Variants in NKD1 observed in about 807,000 individuals in gnomAD.
NKD1 encodes the protein protein naked cuticle homolog 1.
In NKD1, 21 loss-of-function variants were observed where a neutral mutation model predicts 56.0. The ratio of observed to expected loss-of-function variants is 0.38; its 90% CI spans 0.27 to 0.54. The LOEUF is 0.54. Among genes scored for constraint, NKD1 ranks in the 20% least tolerant of loss-of-function variants. The probability of loss-of-function intolerance (pLI) is 0.82; values close to 1 mark genes in which losing one functional copy is unlikely to be tolerated. For synonymous variants in NKD1, 263 were observed against 265.7 expected, an observed-to-expected ratio of 0.99 and a Z score of 0.10; for missense variants, 578 against 642.7, an observed-to-expected ratio of 0.90 and a Z score of 1.09.
At chr16:50,563,501 C>T (rs941036379) in intron 3 of NKD1, among the ~76,000 whole-genome samples, 1 of 147,826 alleles carries the variant, frequency 6.8e-6, no homozygotes. Context: ...ATGGAGAAGA[C>T]CTTGTGTGTC....
At chr16:50,584,320 C>T (rs527523741) in intron 3 of NKD1, among the ~76,000 whole-genome samples, 6 of 152,206 alleles carry the variant, frequency 3.9e-5, no homozygotes, top group Non-Finnish European at 5.9e-5. Flanking sequence ...ACTACCGTCC[C>T]GTCTGCTAGA....
At chr16:50,594,547 A>T (rs113558889) in intron 3 of NKD1, among the ~76,000 whole-genome samples, 306 of 152,372 alleles carry the variant, frequency 2.0e-3, no homozygotes, top group African/African-American at 6.8e-3. Flanking sequence ...GACAAGAGGA[A>T]GAAGCCAAGC....
chr16:50,570,472 T>A (rs751291067), intron 3 of NKD1, among the ~76,000 whole-genome samples: 3 of 152,248 alleles, frequency 2.0e-5, no homozygotes, highest in Non-Finnish European at 4.4e-5. Flanking sequence ...TACACTGTAC[T>A]GGCCCCAGAG....
In NKD1 at chr16:50,634,669, G is replaced by C. The variant is rs777906397; in HGVS notation, c.*888G>C. ...TCTAACAGAGCTTTCTGTATCTATA[G>C]ATAGATGCCATCTGTCCATTTCTAT... On this transcript the variant is annotated 3_prime_UTR_variant, in exon 10 of 10. Coordinates refer to ENST00000268459, the MANE Select transcript of NKD1 (RefSeq NM_033119.5). 13 of 152,362 alleles carry C rather than the reference G, an allele frequency of 8.5e-5. No homozygotes were observed. Among genetic ancestry groups the C allele is most frequent in the African/African-American group, 1.2e-4 (5 of 41,448 alleles). The allele number at this position is 152,362 out of a possible 1,614,324, so 9.4% of individuals were successfully genotyped here.
At position 50,632,529 on chromosome 16, in the gene NKD1, A is replaced by G; in HGVS notation, c.823+121A>G. ...GCTTCGGTAAGACAACTATTATGGG[A>G]CAGGTCAAAGACTTCTTGGAGAAAG... On this transcript the variant is annotated intron_variant, in intron 9 of 9. Coordinates refer to ENST00000268459, the MANE Select transcript of NKD1 (RefSeq NM_033119.5). This position sits in a 1 kb window ranked among gnomAD's most constrained non-coding sequence, Gnocchi z 4.1. 1 of 945,264 alleles carries G rather than the reference A, an allele frequency of 1.1e-6. No homozygotes were observed. Among genetic ancestry groups the G allele is most frequent in the Non-Finnish European group, 1.6e-6 (1 of 613,228 alleles). 58.6% of individuals were successfully genotyped at this position (945,264 alleles called of 1,614,324 possible).
intron 3 of NKD1, among the ~76,000 whole-genome samples, chr16:50,597,819 C>T (rs558558503): frequency 2.6e-5 from 4 of 152,250 alleles, no homozygotes; most frequent in Admixed American, 6.5e-5. Flanking sequence ...CTGAGGCTTT[C>T]GATCACAGCC....
intron 3 of NKD1, among the ~76,000 whole-genome samples, chr16:50,600,542 A>T (rs1483121209): frequency 6.6e-6 from 1 of 152,192 alleles, no homozygotes; most frequent in African/African-American, 2.4e-5. Context: ...AGACTAGGTT[A>T]AAAAGAGAGA....
chr16:50,598,262 T>TGTGTGTGTGTGTGTGTGCGC lies in NKD1; in HGVS notation c.193-10031_193-10030insTGTGTGTGTGTGTGTGCGCG, dbSNP rs138964473. 6.0e-4 allele frequency among the ~76,000 whole-genome samples: 89 copies of TGTGTGTGTGTGTGTGTGCGC among 148,660 alleles called. No homozygotes were observed. Among genetic ancestry groups the TGTGTGTGTGTGTGTGTGCGC allele is most frequent in the African/African-American group, 2.2e-3 (87 of 39,154 alleles). On this transcript the variant is annotated intron_variant, in intron 3 of 9. Transcript: ENST00000268459. This position sits in a 1 kb window ranked among gnomAD's most constrained non-coding sequence, Gnocchi z 4.2. ...GTGTGTGTGTGTGTGTGTGTGTGTG[T>TGTGTGTGTGTGTGTGTGCGC]GCGCGCACACCTGTGCTCATGGACA... is the stretch of plus-strand genomic sequence containing the variant.
chr16:50,572,887 C>T (rs1357737571), intron 3 of NKD1: 3 of 984,632 alleles, frequency 3.0e-6, no homozygotes, highest in Middle Eastern at 5.2e-4. Context: ...ATCATGAGGT[C>T]GGAAGGGGTG....
chr16:50,589,123 C>T (rs2151271272), intron 3 of NKD1, among the ~76,000 whole-genome samples: 1 of 152,290 alleles, frequency 6.6e-6, no homozygotes, highest in African/African-American at 2.4e-5. Flanking sequence ...CCGACCCCAG[C>T]ACTCAGATCT....
At chr16:50,591,135 C>T (rs904568044) in intron 3 of NKD1, among the ~76,000 whole-genome samples, 8 of 152,294 alleles carry the variant, frequency 5.3e-5, no homozygotes, top group African/African-American at 1.7e-4. Context: ...AATGAAGCCT[C>T]TTTTTAAATT....
intron 4 of NKD1, 51 bp downstream of exon 4, chr16:50,608,411 G>A (rs1429661945): frequency 1.5e-6 from 2 of 1,347,866 alleles, no homozygotes; most frequent in African/African-American, 2.9e-5. Flanking sequence ...GGGGGAAGCG[G>A]GTGTTCAGCT....
intron 3 of NKD1, chr16:50,572,776 T>C: frequency 1.8e-6 from 1 of 559,694 alleles, no homozygotes; most frequent in Non-Finnish European, 2.3e-6. Flanking sequence ...AGCTTGTCCC[T>C]GAGTCCGACA....
chr16:50,551,013 A>C (rs1960372168), intron 3 of NKD1, among the ~76,000 whole-genome samples: 1 of 151,952 alleles, frequency 6.6e-6, no homozygotes. Flanking sequence ...TAGAGGGAAA[A>C]CTTGAAATAC....
Position 50,582,932 on chromosome 16 carries a change from T to C in NKD1, c.193-25362T>C, listed in dbSNP as rs977371318. Among the ~76,000 whole-genome samples the C allele has an allele frequency of 3.3e-5, 5 of 152,188 alleles. No individual in the cohort carries two copies. The East Asian group carries it at 5.8e-4, about 18-fold the overall frequency. ...TGAGGCAGGAGAATTGCTTGAACCC[T>C]GGAGGCAGAGGTTGCAGTGAGCCGA... On this transcript the variant is annotated intron_variant, in intron 3 of 9. Coordinates refer to ENST00000268459, the MANE Select transcript of NKD1 (RefSeq NM_033119.5).
intron 3 of NKD1, among the ~76,000 whole-genome samples, chr16:50,592,834 C>T (rs546237868): frequency 1.3e-5 from 2 of 152,082 alleles, no homozygotes; most frequent in South Asian, 2.1e-4. Context: ...AGTGCAGAAG[C>T]GGGTGGAGAC....
chr16:50,632,375 G>A lies in NKD1; in HGVS notation c.790G>A (p.Gly264Arg), dbSNP rs750832456. 18 of 1,613,970 alleles carry A rather than the reference G, an allele frequency of 1.1e-5. No individual in the cohort carries two copies. Among genetic ancestry groups the A allele is most frequent in the Admixed American group, 6.7e-5 (4 of 59,984 alleles). The change falls in exon 9 of 10, where the codon GGG becomes AGG. Residue 264 changes from glycine to arginine, a missense_variant. By Grantham distance (125) the Gly-to-Arg change is moderately radical. Coordinates refer to ENST00000268459, the MANE Select transcript of NKD1 (RefSeq NM_033119.5). This position sits in a 1 kb window ranked among gnomAD's most constrained non-coding sequence, Gnocchi z 4.1. ...ERRNHYLDLA[G>R]IENYTSQFGP... ...GAGAAACCACTACTTAGATCTCGCC[G>A]GGATAGAAAACTACACGTCCCAATT... is the stretch of plus-strand genomic sequence containing the variant.
rs187311979 is a variant in NKD1 at position 50,585,262 on chromosome 16, G to A, written c.193-23032G>A. 2.8e-3 allele frequency among the ~76,000 whole-genome samples: 425 copies of A among 152,292 alleles called. 1 individual carries two copies. The highest frequency in any genetic ancestry group is 0.01 in the African/African-American group (417 of 41,558). The stretch of plus-strand genomic sequence containing the variant: ...GGGATAGCTAAAGTCCCTCATGGGT[G>A]CTTGTACTGATTACGTGGCTGGGGC... On this transcript the variant is annotated intron_variant, in intron 3 of 9. Transcript: ENST00000268459.
chr16:50,583,647 G>A (rs571997741), intron 3 of NKD1, among the ~76,000 whole-genome samples: 1 of 152,168 alleles, frequency 6.6e-6, no homozygotes, highest in Non-Finnish European at 1.5e-5. Context: ...ATGATGGATA[G>A]CTGACACAGA....
Sources: gnomAD v4.1 joint callset for allele counts (sites outside exome capture counted in the v4.1 genomes callset) on GRCh38, gnomAD v4.1.1 for gene constraint, Gnocchi (gnomAD v3.1) non-coding constraint, MANE v1.5 for transcripts, NCBI Gene and HGNC (gene_info 2026-07-23, HGNC 2026-07-21) for gene names.